Variants in CDIN1 observed in about 807,000 individuals in gnomAD.
The protein encoded by CDIN1 is CDAN1-interacting nuclease 1.
CDIN1 carries 33 observed loss-of-function variants against 45.3 expected under a neutral mutation model. That is an observed-to-expected ratio of 0.73 (90% confidence interval 0.55 to 0.97). The LOEUF is 0.97. Among genes scored for constraint, CDIN1 ranks in the 50% least tolerant of loss-of-function variants. The pLI, the probability that CDIN1 is intolerant of heterozygous loss-of-function variation, is 0.00. For synonymous variants in CDIN1, 118 were observed against 124.4 expected (o/e 0.95, Z 0.34); for missense variants, 303 against 339.4 (o/e 0.89, Z 0.84).
chr15:36,792,820 T>C (rs8026647), intron 10 of CDIN1, among the ~76,000 whole-genome samples: 131,612 of 152,062 alleles, frequency 0.87, 60,182 homozygotes, highest in Non-Finnish European at 1. Context: ...GGGCTTTCTA[T>C]CAGTGTAGCA....
At chr15:36,769,012 T>A (rs741335) in intron 10 of CDIN1, among the ~76,000 whole-genome samples, 127,607 of 151,946 alleles carry the variant, frequency 0.84, 54,951 homozygotes, top group East Asian at 0.96. Context: ...CAAAAGGTTG[T>A]GGAGAGATAA....
chr15:36,617,181 T>C lies in CDIN1; in HGVS notation c.102-27097T>C, dbSNP rs1468047075. On this transcript the variant is annotated intron_variant, in intron 1 of 10. Coordinates refer to ENST00000566621, the MANE Select transcript of CDIN1 (RefSeq NM_001321759.2). ...AAGAAATTGCTCCTGGGAATACTGA[T>C]GCCACCCCAGTAACTCATAGAACTG... The C allele has an allele frequency of 6.7e-6, 6 of 895,612 alleles. No individual in the cohort carries two copies. In the East Asian group the frequency reaches 9.6e-5, roughly 14 times the overall value. The allele number at this position is 895,612 out of a possible 1,614,324, so 55.5% of individuals were successfully genotyped here.
intron 7 of CDIN1, among the ~76,000 whole-genome samples, chr15:36,694,829 T>A (rs1046953339): frequency 2.0e-5 from 3 of 152,204 alleles, no homozygotes; most frequent in African/African-American, 7.2e-5. Flanking sequence ...GATTCAACAT[T>A]TTAGATGTAA....
At chr15:36,660,372 A>T (rs12439969) in intron 5 of CDIN1, among the ~76,000 whole-genome samples, 18,852 of 152,048 alleles carry the variant, frequency 0.12, 1,179 homozygotes, top group Middle Eastern at 0.17. Context: ...TAAAACTAGA[A>T]ATCAGGCAAA....
intron 10 of CDIN1, among the ~76,000 whole-genome samples, chr15:36,734,842 A>G (rs949444944): frequency 1.3e-5 from 2 of 152,154 alleles, no homozygotes; most frequent in Non-Finnish European, 2.9e-5. Context: ...TTCAATGTAA[A>G]TAAATAAATA....
intron 5 of CDIN1, among the ~76,000 whole-genome samples, chr15:36,665,397 A>G (rs763496351): frequency 6.6e-6 from 1 of 152,194 alleles, no homozygotes; most frequent in Non-Finnish European, 1.5e-5. Flanking sequence ...AAAATAATCT[A>G]CCTTGGCTAT....
chr15:36,749,608 C>T (rs996375869), intron 10 of CDIN1, among the ~76,000 whole-genome samples: 2 of 152,170 alleles, frequency 1.3e-5, no homozygotes, highest in African/African-American at 4.8e-5. Flanking sequence ...TAGATCGGAT[C>T]TGAACATTAG....
chr15:36,665,794 A>T (rs1234232709), intron 5 of CDIN1, among the ~76,000 whole-genome samples: 1 of 152,190 alleles, frequency 6.6e-6, no homozygotes, highest in Non-Finnish European at 1.5e-5. Context: ...TCCTGATTTC[A>T]TATACTTTTT....
At chr15:36,651,740 A>T (rs190271496) in intron 3 of CDIN1, among the ~76,000 whole-genome samples, 25 of 152,300 alleles carry the variant, frequency 1.6e-4, no homozygotes, top group African/African-American at 5.5e-4. Flanking sequence ...GATGGGTTTT[A>T]TCAGTGCCCT....
chr15:36,621,885 T>TTTTTTTTTTCC (rs2039212617), intron 1 of CDIN1, among the ~76,000 whole-genome samples: 1 of 151,914 alleles, frequency 6.6e-6, no homozygotes, highest in Non-Finnish European at 1.5e-5. Flanking sequence ...TTTTTTTTTT[T>TTTTTTTTTTCC]CCTCCAAGGG....
At chr15:36,785,580 G>C (rs1005861134) in intron 10 of CDIN1, among the ~76,000 whole-genome samples, 2 of 152,176 alleles carry the variant, frequency 1.3e-5, no homozygotes, top group African/African-American at 2.4e-5. Context: ...AAGAGCCACT[G>C]ATCAGTGCCT....
intron 1 of CDIN1, among the ~76,000 whole-genome samples, chr15:36,610,819 G>A (rs1388678776): frequency 1.3e-5 from 2 of 152,202 alleles, no homozygotes; most frequent in South Asian, 4.2e-4. Flanking sequence ...ATTTTCTTCT[G>A]TCTGCTTTTA....
chr15:36,797,355 C>G (rs935086058), intron 10 of CDIN1, among the ~76,000 whole-genome samples: 1 of 152,142 alleles, frequency 6.6e-6, no homozygotes, highest in African/African-American at 2.4e-5. Context: ...TAGATAAAAG[C>G]GACTGTAAAC....
intron 1 of CDIN1, among the ~76,000 whole-genome samples, chr15:36,591,035 T>A (rs1007497813): frequency 6.6e-6 from 1 of 152,222 alleles, no homozygotes; most frequent in Non-Finnish European, 1.5e-5. Flanking sequence ...TGTTTTAGGA[T>A]GAATAGAGAT....
intron 9 of CDIN1, 157 bp from the exon 10 acceptor site, chr15:36,709,699 A>G: frequency 1.8e-6 from 1 of 570,962 alleles, no homozygotes; most frequent in Non-Finnish European, 3.1e-6. Flanking sequence ...CTTTGTAATG[A>G]ACATATACAG....
At chr15:36,723,951 A>T (rs912834170) in intron 10 of CDIN1, among the ~76,000 whole-genome samples, 2 of 152,244 alleles carry the variant, frequency 1.3e-5, no homozygotes, top group African/African-American at 2.4e-5. Flanking sequence ...AATAATAGCT[A>T]ACACTGAACA....
intron 5 of CDIN1, chr15:36,691,371 A>ATTT: frequency 7.8e-6 from 2 of 255,852 alleles, no homozygotes; most frequent in Non-Finnish European, 7.4e-6. Context: ...ATATTTTCTG[A>ATTT]TTTTTTTTTT....
At chr15:36,600,277 C>G (rs2038033849) in intron 1 of CDIN1, among the ~76,000 whole-genome samples, 1 of 152,168 alleles carries the variant, frequency 6.6e-6, no homozygotes, top group African/African-American at 2.4e-5. Flanking sequence ...AACTGCAGAG[C>G]AGGAACAAGG....
In CDIN1 at chr15:36,657,327, G is replaced by A. The variant is rs117495076; in HGVS notation, c.274-506G>A. Among the ~76,000 whole-genome samples, 632 of 152,124 alleles carry A rather than the reference G, an allele frequency of 4.2e-3. 4 individuals are homozygous for A. Among genetic ancestry groups the A allele is most frequent in the Non-Finnish European group, 6.7e-3 (457 of 67,942 alleles). ...GTAAGGAATTTATACCAAAATTTCA[G>A]TTGTCTTTAAAGATAAAATCAGTAA... On this transcript the variant is annotated intron_variant, in intron 4 of 10. Transcript: ENST00000566621.
Sources: gnomAD v4.1 joint callset for allele counts (sites outside exome capture counted in the v4.1 genomes callset) on GRCh38, gnomAD v4.1.1 for gene constraint, MANE v1.5 for transcripts, NCBI Gene and HGNC (gene_info 2026-07-23, HGNC 2026-07-21) for gene names.